The following TMEM266 variants were observed in gnomAD, a reference collection of about 807,000 sequenced individuals.
TMEM266 encodes Hv1 related protein 1.
Under a neutral mutation model 50.5 loss-of-function variants are expected in TMEM266, and 33 were observed. That is an observed-to-expected ratio of 0.65 (90% confidence interval 0.50 to 0.87). The LOEUF (loss-of-function observed/expected upper bound fraction) is 0.87, where lower values mean the gene tolerates loss of function less well. Among genes scored for constraint, TMEM266 ranks in the 40% least tolerant of loss-of-function variants. The pLI, the probability that TMEM266 is intolerant of heterozygous loss-of-function variation, is 0.00. For missense variants in TMEM266, 655 were observed against 695.1 expected (o/e 0.94, Z 0.65); for synonymous variants, 310 against 292.3 (o/e 1.06, Z -0.62).
At chr15:76,144,548 C>T (rs879912869) in intron 3 of TMEM266, among the ~76,000 whole-genome samples, 22 of 152,242 alleles carry the variant, frequency 1.4e-4, no homozygotes, top group African/African-American at 9.6e-5. Flanking sequence ...AAGCTACCCC[C>T]ATGCCAAGCC....
At chr15:76,081,639 G>A (rs917144565) in intron 1 of TMEM266, among the ~76,000 whole-genome samples, 3 of 152,328 alleles carry the variant, frequency 2.0e-5, no homozygotes, top group African/African-American at 2.4e-5. Flanking sequence ...ACAGTGGCAA[G>A]GTTCTTCACC....
At chr15:76,073,077 A>G (rs1191931151) in intron 1 of TMEM266, among the ~76,000 whole-genome samples, 5 of 151,742 alleles carry the variant, frequency 3.3e-5, no homozygotes, top group African/African-American at 1.2e-4. Context: ...GATTACAGGC[A>G]TGTGTCACCA....
chr15:76,065,883 C>T (rs1455127700), intron 1 of TMEM266, among the ~76,000 whole-genome samples: 2 of 152,040 alleles, frequency 1.3e-5, no homozygotes, highest in Non-Finnish European at 2.9e-5. Flanking sequence ...AGGCTTTGTC[C>T]CGCGCACTCC....
At chr15:76,104,955 C>T (rs916565737) in intron 1 of TMEM266, among the ~76,000 whole-genome samples, 13 of 152,178 alleles carry the variant, frequency 8.5e-5, no homozygotes, top group South Asian at 6.2e-4. Context: ...CACGGTGGCT[C>T]ACACCTGTAA....
intron 8 of TMEM266, chr15:76,181,480 C>CT (rs1373599993): frequency 2.6e-5 from 4 of 152,284 alleles, no homozygotes; most frequent in African/African-American, 9.6e-5. Context: ...CTCCCCGCTG[C>CT]TGTGATAGAA....
chr15:76,061,367 A>C (rs149525769), intron 1 of TMEM266, among the ~76,000 whole-genome samples: 1 of 152,366 alleles, frequency 6.6e-6, no homozygotes, highest in East Asian at 1.9e-4. Context: ...GAAGATGAAC[A>C]AGCCAGGACT....
Position 76,137,797 on chromosome 15 carries a change from G to C in TMEM266, c.129G>C (p.Val43=). 1.2e-6 allele frequency: 2 copies of C among 1,614,152 alleles called. No homozygotes were observed. Among genetic ancestry groups the C allele is most frequent in the Non-Finnish European group, 1.7e-6 (2 of 1,180,010 alleles). ...AGAGCATTGCTCCTGTGCAGCTGGT[G>C]AACTTTGCCTATCGGGACTTGCCCC... Residue 43 remains valine (V), a synonymous_variant, in exon 3 of 11, where the codon GTG becomes GTC. Coordinates refer to ENST00000388942, the MANE Select transcript of TMEM266 (RefSeq NM_152335.3).
intron 1 of TMEM266, among the ~76,000 whole-genome samples, chr15:76,098,903 A>G (rs1013552558): frequency 2.0e-5 from 3 of 152,090 alleles, no homozygotes; most frequent in African/African-American, 7.2e-5. Context: ...CTCAAGCCTT[A>G]GCAATGGTGG....
chr15:76,191,696 T>C (rs1231153103), intron 8 of TMEM266: 4 of 405,746 alleles, frequency 9.9e-6, no homozygotes, highest in East Asian at 4.4e-5. Context: ...GGAAACACGT[T>C]GTGTTTCCTC....
At chr15:76,171,286 C>T (rs2038184730) in intron 7 of TMEM266, among the ~76,000 whole-genome samples, 155 bp downstream of exon 7, 1 of 152,234 alleles carries the variant, frequency 6.6e-6, no homozygotes, top group African/African-American at 2.4e-5. Flanking sequence ...TCCCTGCTCA[C>T]TCGCCATCAC....
At chr15:76,143,008 T>G (rs528556093) in intron 3 of TMEM266, among the ~76,000 whole-genome samples, 14 of 152,268 alleles carry the variant, frequency 9.2e-5, no homozygotes, top group Non-Finnish European at 2.1e-4. Flanking sequence ...AGTCTCCTCT[T>G]TCTTGCCCTC....
chr15:76,079,482 A>G (rs1054953028), intron 1 of TMEM266, among the ~76,000 whole-genome samples: 4 of 144,988 alleles, frequency 2.8e-5, no homozygotes. Flanking sequence ...CTGCAAAGAT[A>G]CTATTTCTAA....
At chr15:76,173,383 C>A (rs1005781823) in intron 7 of TMEM266, among the ~76,000 whole-genome samples, 1 of 152,118 alleles carries the variant, frequency 6.6e-6, no homozygotes. Context: ...GGTGCGGGAA[C>A]AGTGTGAGGA....
intron 8 of TMEM266, 150 bp from the exon 9 acceptor site, chr15:76,191,818 G>T (rs2038576071): frequency 2.8e-6 from 2 of 709,268 alleles, no homozygotes; most frequent in Non-Finnish European, 2.1e-6. Context: ...CGCGATGCTG[G>T]GAGATTCCTA....
In TMEM266 at chr15:76,203,662, C is replaced by T. The variant is rs1013476695; in HGVS notation, c.1022-79C>T. ...CTAGCCACACTCATTGCCCACCGCC[C>T]GGCTCAGACCTGCTCTCTTCAGGGC... On this transcript the variant is annotated intron_variant, in intron 10 of 10. Coordinates refer to ENST00000388942, the MANE Select transcript of TMEM266 (RefSeq NM_152335.3). The T allele has an allele frequency of 3.6e-5, 50 of 1,384,290 alleles. 1 individual carries two copies. The highest frequency in any genetic ancestry group is 4.5e-5 in the Non-Finnish European group (45 of 994,124). The allele number at this position is 1,384,290 out of a possible 1,614,324, so 85.8% of individuals were successfully genotyped here.
At chr15:76,173,245 T>C (rs576449633) in intron 7 of TMEM266, among the ~76,000 whole-genome samples, 89 of 152,102 alleles carry the variant, frequency 5.9e-4, no homozygotes, top group Middle Eastern at 3.4e-3. Flanking sequence ...AGGAAACATC[T>C]GGAGGTGCAG....
intron 1 of TMEM266, among the ~76,000 whole-genome samples, chr15:76,078,838 A>G (rs991868252): frequency 1.6e-4 from 24 of 152,346 alleles, no homozygotes; most frequent in African/African-American, 5.5e-4. Context: ...ACAGTTCTGG[A>G]GGACAGAAGT....
intron 1 of TMEM266, among the ~76,000 whole-genome samples, chr15:76,106,063 C>T (rs1009684970): frequency 3.3e-5 from 5 of 152,178 alleles, no homozygotes; most frequent in Non-Finnish European, 5.9e-5. Context: ...GCACAGGCCC[C>T]CAGTTTAGCG....
intron 1 of TMEM266, among the ~76,000 whole-genome samples, chr15:76,121,436 A>G (rs563794444): frequency 1.3e-5 from 2 of 151,898 alleles, no homozygotes; most frequent in South Asian, 2.1e-4. Flanking sequence ...TATTTCTTTG[A>G]GATGGAGTCT....
Sources: allele counts gnomAD v4.1 joint callset (sites outside exome capture counted in the v4.1 genomes callset), GRCh38; gene constraint gnomAD v4.1.1; transcripts MANE v1.5; gene names NCBI Gene and HGNC (gene_info 2026-07-23, HGNC 2026-07-21).